The following B9D1 variants were observed in gnomAD, a reference collection of about 807,000 sequenced individuals.
B9D1 encodes B9 domain-containing protein 1.
Under a neutral mutation model 26.1 loss-of-function variants are expected in B9D1, and 20 were observed. The observed-to-expected ratio is 0.77, with a 90% confidence interval of 0.54 to 1.12. The LOEUF (loss-of-function observed/expected upper bound fraction) is 1.12, where lower values mean the gene tolerates loss of function less well. Ranked by LOEUF, B9D1 falls within the 50% of genes most tolerant of loss-of-function variation. The pLI is 0.00. For synonymous variants in B9D1, 105 were observed against 103.1 expected (o/e 1.02, Z -0.11); for missense variants, 260 against 273.7 (o/e 0.95, Z 0.35).
Position 19,362,720 on chromosome 17 carries a change from A to T in B9D1, c.-151T>A. 1 of 1,432,750 alleles carries T rather than the reference A, an allele frequency of 7.0e-7. No individual in the cohort carries two copies. The highest frequency in any genetic ancestry group is 9.3e-7 in the Non-Finnish European group (1 of 1,079,320). The allele number at this position is 1,432,750 out of a possible 1,614,324, so 88.8% of individuals were successfully genotyped here. On this transcript the variant is annotated 5_prime_UTR_variant, in exon 1 of 7. The change abolishes an upstream ATG in the 5' untranslated region. Coordinates refer to ENST00000261499, the MANE Select transcript of B9D1 (RefSeq NM_015681.6). Reference sequence around the variant, plus strand: ...AAGGCCACGCGAGTGCGCGTGTGGCATGCGCAGGCGCAGTGAACGGGCGCC... The same window carrying T: ...AAGGCCACGCGAGTGCGCGTGTGGCTTGCGCAGGCGCAGTGAACGGGCGCC...
Position 19,347,402 on chromosome 17 carries a change from C to T in B9D1, c.342-71G>A, listed in dbSNP as rs374833038. Reference sequence around the variant, plus strand: ...TTCTGAGCCTCCAGGGAGAAGAAACCCTCAGATCAGGCCAGTGCAGCTGCA... The same window carrying T: ...TTCTGAGCCTCCAGGGAGAAGAAACTCTCAGATCAGGCCAGTGCAGCTGCA... On this transcript the variant is annotated intron_variant, in intron 4 of 6. Transcript: ENST00000261499. The surrounding 1 kb of genome is among the most constrained non-coding windows in gnomAD (Gnocchi z 4.3). The T allele has an allele frequency of 1.9e-6, 3 of 1,572,146 alleles. No homozygotes were observed. Among genetic ancestry groups the T allele is most frequent in the Admixed American group, 1.7e-5 (1 of 59,332 alleles).
chr17:19,368,551 C>G (rs1310456908), intron 1 of B9D1, among the ~76,000 whole-genome samples: 1 of 152,120 alleles, frequency 6.6e-6, no homozygotes, highest in East Asian at 1.9e-4. Context: ...CAATGGTCTC[C>G]ACAGTGAAGA....
rs1201370110 is a variant in B9D1, at chr17:19,372,755, G to A, written c.-298+5104C>T. 1.3e-5 allele frequency among the ~76,000 whole-genome samples: 2 copies of A among 152,212 alleles called. No homozygotes were observed. ...GCTGGATTCAAACCCAGGTGTTTCT[G>A]AAACCAAAGCGTGCCTTCGTAAAAC... On this transcript the variant is annotated intron_variant, in intron 1 of 5. Coordinates refer to the B9D1 transcript ENST00000477478. The surrounding 1 kb of genome is among the most constrained non-coding windows in gnomAD (Gnocchi z 4.4).
At chr17:19,340,044 C>CT (rs1907786132), downstream of B9D1, among the ~76,000 whole-genome samples, 1 of 148,656 alleles carries the variant, frequency 6.7e-6, no homozygotes, top group Non-Finnish European at 1.5e-5. Flanking sequence ...CCCCCCCCCC[C>CT]CCCCGGCTTC....
At chr17:19,344,038 G>A (rs1051085061) in intron 5 of B9D1, among the ~76,000 whole-genome samples, 181 bp from the exon 6 acceptor site, 1 of 152,230 alleles carries the variant, frequency 6.6e-6, no homozygotes, top group African/African-American at 2.4e-5. Context: ...CCAGCGTGGG[G>A]TGTCCCTTGC....
rs771997194 is a variant in B9D1, at chr17:19,360,343, C to T, written c.109G>A (p.Gly37Ser). The change falls in exon 2 of 7, where the codon GGC becomes AGC. Residue 37 changes from glycine (G) to serine (S), a missense_variant. By Grantham distance (56) the Gly-to-Ser change is moderately conservative. Coordinates refer to ENST00000261499, the MANE Select transcript of B9D1 (RefSeq NM_015681.6). ...DLYCKYCFVY[G>S]QDWAPTAGLE... is the part of the protein sequence containing the mutation. The stretch of plus-strand genomic sequence containing the variant: ...ACCGCTGTGGGGGCCCAGTCCTGGC[C>T]GTACACAAAGCAGTACTTGCAGTAG... 2.5e-5 allele frequency: 40 copies of T among 1,613,826 alleles called. No individual in the cohort carries two copies. The highest frequency in any genetic ancestry group is 8.3e-5 in the Admixed American group (5 of 60,010).
At chr17:19,337,719 G>A (rs915607389), downstream of B9D1, 15 of 1,534,594 alleles carry the variant, frequency 9.8e-6, no homozygotes, top group Admixed American at 2.2e-4. Flanking sequence ...TTGAAACACT[G>A]CTATCTTTGA....
chr17:19,347,548 G>A lies in B9D1; in HGVS notation c.342-217C>T, dbSNP rs1908996809. ...CTCATGGAGGTCAGAGTCCCTCAGG[G>A]TCTTTTCTTTTCTGGGTCCCACTAC... On this transcript the variant is annotated intron_variant, in intron 4 of 6. Transcript: ENST00000261499. The surrounding 1 kb of genome is among the most constrained non-coding windows in gnomAD (Gnocchi z 4.3). 6.6e-6 allele frequency among the ~76,000 whole-genome samples: 1 copy of A among 152,174 alleles called. No individual in the cohort carries two copies. Among genetic ancestry groups the A allele is most frequent in the Admixed American group, 6.5e-5 (1 of 15,278 alleles).
At chr17:19,342,130 A>G (rs1025940320), downstream of B9D1, among the ~76,000 whole-genome samples, 1 of 152,198 alleles carries the variant, frequency 6.6e-6, no homozygotes, top group Non-Finnish European at 1.5e-5. Flanking sequence ...GGCTCACCGC[A>G]CATGGGGAGT....
At chr17:19,352,258 G>A (rs1322243684) in intron 3 of B9D1, among the ~76,000 whole-genome samples, 2 of 152,054 alleles carry the variant, frequency 1.3e-5, no homozygotes, top group Non-Finnish European at 2.9e-5. Context: ...CTCTTCTGTT[G>A]TAAGTGTGCT....
At chr17:19,349,292 T>C (rs192466805) in intron 3 of B9D1, among the ~76,000 whole-genome samples, 3 of 152,360 alleles carry the variant, frequency 2.0e-5, no homozygotes, top group Admixed American at 2.0e-4. Context: ...CTTTACCTGT[T>C]TCTTGGTCAC....
At chr17:19,369,109 G>A (rs1377295933) in intron 1 of B9D1, among the ~76,000 whole-genome samples, 1 of 152,138 alleles carries the variant, frequency 6.6e-6, no homozygotes, top group Non-Finnish European at 1.5e-5. Flanking sequence ...AAAACATGAA[G>A]CATGGCAAAG....
upstream of B9D1, chr17:19,362,732 A>T: frequency 8.0e-6 from 11 of 1,369,760 alleles, no homozygotes; most frequent in African/African-American, 1.5e-5. Context: ...GCGCAGGCGC[A>T]GTGAACGGGC....
intron 5 of B9D1, among the ~76,000 whole-genome samples, chr17:19,345,129 C>G (rs1003485298): frequency 6.6e-6 from 1 of 152,144 alleles, no homozygotes; most frequent in Admixed American, 6.5e-5. Context: ...GTTGGGGAGA[C>G]AAGACAGGCT....
upstream of B9D1, among the ~76,000 whole-genome samples, chr17:19,366,323 C>T (rs960887275): frequency 3.9e-5 from 6 of 152,034 alleles, no homozygotes; most frequent in African/African-American, 1.2e-4. Flanking sequence ...CTGGGGTCTC[C>T]AGATCCTCCT....
rs1215270304 is a variant in B9D1, at chr17:19,360,241, G to C, written c.132+79C>G. The C allele has an allele frequency of 2.3e-6, 3 of 1,314,706 alleles. No homozygotes were observed. The African/African-American group carries it at 4.4e-5, about 19-fold the overall frequency. 81.4% of individuals were successfully genotyped at this position (1,314,706 alleles called of 1,614,324 possible). A position where few individuals can be genotyped will look rare whatever the true frequency, so the allele number is the denominator to read the frequency against. ...CTCTACCTCTTAACTTGTTCTGAAT[G>C]GGGAGGGGAAGGATATGACACCTTC... On this transcript the variant is annotated intron_variant, in intron 2 of 6. Coordinates refer to ENST00000261499, the MANE Select transcript of B9D1 (RefSeq NM_015681.6).
downstream of B9D1, among the ~76,000 whole-genome samples, chr17:19,338,702 A>G (rs1217231645): frequency 6.6e-6 from 1 of 152,158 alleles, no homozygotes; most frequent in Non-Finnish European, 1.5e-5. Flanking sequence ...GAGAACTTCA[A>G]ACACATGGAG....
chr17:19,377,465 T>G (rs1012019418), intron 1 of B9D1, among the ~76,000 whole-genome samples: 1 of 152,242 alleles, frequency 6.6e-6, no homozygotes, highest in Non-Finnish European at 1.5e-5. Flanking sequence ...GCTACATTTT[T>G]GTACACCAAA....
chr17:19,338,958 T>A (rs897377187), downstream of B9D1, among the ~76,000 whole-genome samples: 1 of 152,202 alleles, frequency 6.6e-6, no homozygotes, highest in African/African-American at 2.4e-5. Context: ...AGCACACACA[T>A]AAAATTCTTT....
Sources: allele counts gnomAD v4.1 joint callset (sites outside exome capture counted in the v4.1 genomes callset), GRCh38; gene constraint gnomAD v4.1.1; non-coding constraint Gnocchi (gnomAD v3.1); transcripts MANE v1.5; gene names NCBI Gene and HGNC (gene_info 2026-07-23, HGNC 2026-07-21).